NTM: variants seen among roughly 807,000 people sequenced by gnomAD.
The protein encoded by NTM is neurotrimin.
NTM carries 13 observed loss-of-function variants against 42.1 expected under a neutral mutation model. That is an observed-to-expected ratio of 0.31 (90% confidence interval 0.20 to 0.49). NTM has a LOEUF of 0.49. Ranked by LOEUF, NTM falls within the 20% of genes least tolerant of loss-of-function variation. The pLI is 0.99. For missense variants in NTM, 373 were observed against 452.8 expected (o/e 0.82, Z 1.60); for synonymous variants, 187 against 179.2 (o/e 1.04, Z -0.35).
chr11:131,401,812 A>ATG (rs1945183461), intron 1 of NTM, among the ~76,000 whole-genome samples: 1 of 21,630 alleles, frequency 4.6e-5, no homozygotes, highest in African/African-American at 2.8e-4. Context: ...ATATATATAT[A>ATG]TATATATATA....
chr11:131,897,907 A>G (rs764243589), intron 1 of NTM, among the ~76,000 whole-genome samples: 5 of 152,246 alleles, frequency 3.3e-5, no homozygotes, highest in Non-Finnish European at 7.3e-5. Flanking sequence ...ATTATGCTCA[A>G]TTCCCAGAAT....
At chr11:131,815,729 A>G (rs1052105818) in intron 1 of NTM, among the ~76,000 whole-genome samples, 2 of 152,252 alleles carry the variant, frequency 1.3e-5, no homozygotes, top group South Asian at 4.1e-4. Flanking sequence ...CTAAATTGGG[A>G]TATTTTCCAG....
chr11:131,933,448 T>C (rs1272170409), intron 2 of NTM, among the ~76,000 whole-genome samples: 1 of 152,202 alleles, frequency 6.6e-6, no homozygotes, highest in Non-Finnish European at 1.5e-5. Context: ...GGATTTGCTC[T>C]TTCTAAATAA....
At chr11:131,450,059 T>C (rs879114059) in intron 1 of NTM, among the ~76,000 whole-genome samples, 2 of 152,204 alleles carry the variant, frequency 1.3e-5, no homozygotes, top group Admixed American at 6.5e-5. Flanking sequence ...GCTGGAGTTA[T>C]AACGATTTCT....
intron 1 of NTM, among the ~76,000 whole-genome samples, chr11:131,521,495 G>A (rs1158447904): frequency 8.0e-6 from 1 of 124,718 alleles, no homozygotes; most frequent in East Asian, 2.9e-4. Flanking sequence ...TGCAAGCTCC[G>A]CCTCCCAGGT....
At chr11:131,581,492 G>A (rs185006345) in intron 1 of NTM, among the ~76,000 whole-genome samples, 89 of 152,304 alleles carry the variant, frequency 5.8e-4, no homozygotes, top group African/African-American at 2.1e-3. Context: ...TATGAGCTGA[G>A]GGTGTTGGCT....
At chr11:131,443,834 A>C (rs1345382252) in intron 1 of NTM, among the ~76,000 whole-genome samples, 1 of 152,144 alleles carries the variant, frequency 6.6e-6, no homozygotes, top group Non-Finnish European at 1.5e-5. Context: ...AGACCCACCC[A>C]CCTGCCAAGG....
intron 1 of NTM, among the ~76,000 whole-genome samples, chr11:131,500,992 T>C (rs772415848): frequency 6.6e-6 from 1 of 151,660 alleles, no homozygotes; most frequent in Non-Finnish European, 1.5e-5. Context: ...ATTAAGAAAA[T>C]GTGACCCTAT....
At chr11:131,483,256 A>C (rs1040962916) in intron 1 of NTM, among the ~76,000 whole-genome samples, 1 of 152,146 alleles carries the variant, frequency 6.6e-6, no homozygotes, top group Non-Finnish European at 1.5e-5. Context: ...AACTTTCCTA[A>C]TGAGTTTTAA....
chr11:131,616,778 G>GTGTGTGTGTGTGT (rs1555166353), intron 1 of NTM, among the ~76,000 whole-genome samples: 140 of 141,974 alleles, frequency 9.9e-4, no homozygotes, highest in African/African-American at 3.6e-3. Context: ...GTCTTGAGGG[G>GTGTGTGTGTGTGT]GTGTGTGTGT....
At chr11:131,878,582 AAAAAAAAAAAAAATATATATAT>A (rs2048883245) in intron 1 of NTM, among the ~76,000 whole-genome samples, 1 of 49,728 alleles carries the variant, frequency 2.0e-5, no homozygotes, top group African/African-American at 8.9e-5. Flanking sequence ...AAAAAAAAAA[AAAAAAAAAAAAAATATATATAT>A]ATATATATAT....
chr11:132,247,451 C>T (rs1024444380), intron 4 of NTM, among the ~76,000 whole-genome samples: 7 of 152,124 alleles, frequency 4.6e-5, no homozygotes, highest in Admixed American at 2.0e-4. Context: ...GAAATATATA[C>T]GTGCTATAGA....
intron 4 of NTM, among the ~76,000 whole-genome samples, chr11:132,215,246 T>C (rs1379895457): frequency 6.6e-6 from 1 of 151,916 alleles, no homozygotes; most frequent in Non-Finnish European, 1.5e-5. Flanking sequence ...CATGCGAACC[T>C]GCCAAATCCC....
rs978443739 is a variant in NTM, at chr11:132,110,086, C to T, written c.168-36196C>T. 3.3e-5 allele frequency among the ~76,000 whole-genome samples: 5 copies of T among 152,346 alleles called. No individual in the cohort carries two copies. In the Middle Eastern group the frequency reaches 0.014, roughly 415 times the overall value. ...AGCCCAATGCCCTGTGTGTTGTCTT[C>T]GGAGAACTTACTGCTCTCTGCAATA... On this transcript the variant is annotated intron_variant, in intron 2 of 8. Coordinates refer to ENST00000683400, the MANE Select transcript of NTM (RefSeq NM_001352005.2).
At chr11:132,185,736 G>C (rs1329077028) in intron 3 of NTM, among the ~76,000 whole-genome samples, 1 of 152,176 alleles carries the variant, frequency 6.6e-6, no homozygotes, top group Non-Finnish European at 1.5e-5. Context: ...ATATGGAGGA[G>C]GGTTGGAAGT....
At position 131,797,995 on chromosome 11, in the gene NTM, TA is replaced by T. The variant is rs139540828; in HGVS notation, c.83-113560del. ...TCATTTGATGGCTGATTTATGAAAT[TA>T]AAAAAAAATGAATTTACCTTTCATA... On this transcript the variant is annotated intron_variant, in intron 1 of 8. Transcript: ENST00000683400. Among the ~76,000 whole-genome samples, 490 of 151,362 alleles carry T rather than the reference TA, an allele frequency of 3.2e-3. 4 individuals are homozygous for T. The highest frequency in any genetic ancestry group is 0.021 in the East Asian group (108 of 5,142).
rs1565687010 is a variant in NTM, at chr11:131,598,878, TCC to T, written c.82+227991_82+227992del. Among the ~76,000 whole-genome samples the T allele has an allele frequency of 2.6e-4, 19 of 73,230 alleles. 2 individuals are homozygous for T. The highest frequency in any genetic ancestry group is 1.2e-3 in the African/African-American group (16 of 13,840). The allele number at this position is 73,230 out of a possible 152,430, so 48.0% of individuals were successfully genotyped here. On this transcript the variant is annotated intron_variant, in intron 1 of 8. Transcript: ENST00000683400. ...CTTCCTTCCTTCCTTCCTTCCTTCTTCCTTCCTTCCTTCCTTCCTTCCTTCCT... is the reference window on the plus strand; with the variant it reads ...CTTCCTTCCTTCCTTCCTTCCTTCTTTTCCTTCCTTCCTTCCTTCCTTCCT...
chr11:132,131,978 A>G (rs2066900092), intron 2 of NTM, among the ~76,000 whole-genome samples: 1 of 152,190 alleles, frequency 6.6e-6, no homozygotes, highest in South Asian at 2.1e-4. Flanking sequence ...GTCCCTTCCT[A>G]CAGAGACCAG....
intron 2 of NTM, among the ~76,000 whole-genome samples, chr11:131,934,009 C>T (rs983833354): frequency 4.6e-5 from 7 of 152,210 alleles, no homozygotes; most frequent in Non-Finnish European, 7.4e-5. Context: ...TTATGACCAG[C>T]GTGTGGCTGA....
Sources: gnomAD v4.1 joint callset for allele counts (sites outside exome capture counted in the v4.1 genomes callset) on GRCh38, gnomAD v4.1.1 for gene constraint, MANE v1.5 for transcripts, NCBI Gene and HGNC (gene_info 2026-07-23, HGNC 2026-07-21) for gene names.